PRPF6: variants seen among roughly 807,000 people sequenced by gnomAD.
PRPF6 encodes pre-mRNA processing factor 6.
In PRPF6, 42 loss-of-function variants were observed where a neutral mutation model predicts 118.3. That is an observed-to-expected ratio of 0.35 (90% CI 0.28 to 0.46). The LOEUF (loss-of-function observed/expected upper bound fraction) is 0.46, where lower values mean the gene tolerates loss of function less well. PRPF6 is among the 20% of genes least tolerant of loss of function. The pLI, the probability that PRPF6 is intolerant of heterozygous loss-of-function variation, is 1.00. For synonymous variants in PRPF6, 481 were observed against 485.1 expected (o/e 0.99, Z 0.11); for missense variants, 662 against 1,255.7 (o/e 0.53, Z 7.15).
chr20:64,005,023 G>A (rs1421500893), intron 9 of PRPF6, among the ~76,000 whole-genome samples: 1 of 152,132 alleles, frequency 6.6e-6, no homozygotes, highest in South Asian at 2.1e-4. Context: ...CCTCTGCACG[G>A]TCACGTCTTC....
chr20:64,015,245 C>G (rs2123061802), intron 11 of PRPF6, among the ~76,000 whole-genome samples: 1 of 152,322 alleles, frequency 6.6e-6, no homozygotes, highest in East Asian at 1.9e-4. Context: ...GGAGGAAGAG[C>G]CAGCGCAGTT....
In PRPF6 at chr20:64,029,284, T is replaced by G. The variant is rs2059304551; in HGVS notation, c.2432-93T>G. The G allele has an allele frequency of 8.8e-7, 1 of 1,141,382 alleles. No individual in the cohort carries two copies. The highest frequency in any genetic ancestry group is 1.3e-6 in the Non-Finnish European group (1 of 756,792). 70.7% of individuals were successfully genotyped at this position (1,141,382 alleles called of 1,614,324 possible). A position where few individuals can be genotyped will look rare whatever the true frequency, so the allele number is the denominator to read the frequency against. On this transcript the variant is annotated intron_variant, in intron 18 of 20. Coordinates refer to ENST00000266079, the MANE Select transcript of PRPF6 (RefSeq NM_012469.4). This position sits in a 1 kb window ranked among gnomAD's most constrained non-coding sequence, Gnocchi z 4.8. The stretch of plus-strand genomic sequence containing the variant: ...TGTGTGGGAGGCCCCTGTCGTGGTC[T>G]GAGGACGTCCCGGGTTAGAATCTGT...
At chr20:63,998,657 C>T (rs562851566) in intron 6 of PRPF6, among the ~76,000 whole-genome samples, 18 of 151,282 alleles carry the variant, frequency 1.2e-4, no homozygotes, top group Middle Eastern at 3.4e-3. Flanking sequence ...CTGGCTAACA[C>T]GGTGAAACCC....
At chr20:63,993,323 T>C in intron 3 of PRPF6, 84 bp from the exon 4 acceptor site, 1 of 905,246 alleles carries the variant, frequency 1.1e-6, no homozygotes, top group Non-Finnish European at 1.8e-6. Context: ...ATTGTTCTTT[T>C]TGGTGATTTA....
At chr20:63,990,844 G>A (rs1392847409) in intron 3 of PRPF6, among the ~76,000 whole-genome samples, 3 of 151,758 alleles carry the variant, frequency 2.0e-5, no homozygotes, top group Non-Finnish European at 4.4e-5. Flanking sequence ...TAGTAGAGAC[G>A]GGGTTTCACC....
At chr20:64,030,143 C>T (rs1601534960) in intron 19 of PRPF6, among the ~76,000 whole-genome samples, 1 of 152,234 alleles carries the variant, frequency 6.6e-6, no homozygotes, top group Non-Finnish European at 1.5e-5. Flanking sequence ...AGGGCCATCC[C>T]CGACCCCCAG....
intron 1 of PRPF6, 125 bp downstream of exon 1, chr20:63,981,441 T>C: frequency 1.0e-6 from 1 of 955,414 alleles, no homozygotes; most frequent in Non-Finnish European, 1.5e-6. Flanking sequence ...ATCGGCTTAA[T>C]CCCTGCAGGA....
In PRPF6 at chr20:64,011,096, C is replaced by G. The variant is rs925389041; in HGVS notation, c.1306-189C>G. Among the ~76,000 whole-genome samples, 1 of 152,186 alleles carries G rather than the reference C, an allele frequency of 6.6e-6. No homozygotes were observed. The highest frequency in any genetic ancestry group is 2.4e-5 in the African/African-American group (1 of 41,438). The stretch of plus-strand genomic sequence containing the variant: ...TGCTCACGAGAGTCACTAAATGAGT[C>G]AGAAGCATAAAGGAACAGTTGGTCA... On this transcript the variant is annotated intron_variant, in intron 10 of 20. Transcript: ENST00000266079. This position sits in a 1 kb window ranked among gnomAD's most constrained non-coding sequence, Gnocchi z 6.7.
chr20:63,987,193 G>T (rs1444196779), intron 3 of PRPF6, among the ~76,000 whole-genome samples: 86 of 149,594 alleles, frequency 5.7e-4, no homozygotes, highest in African/African-American at 1.8e-3. Flanking sequence ...AAAAAAAGGG[G>T]GGGGGAGCAT....
chr20:63,983,407 CT>C (rs1349580594), intron 2 of PRPF6, among the ~76,000 whole-genome samples, 192 bp downstream of exon 2: 2 of 151,858 alleles, frequency 1.3e-5, no homozygotes, highest in Non-Finnish European at 2.9e-5. Context: ...CTTTTTGTCC[CT>C]CAGAAGAGAT....
At chr20:64,000,493 G>C (rs1035781810) in intron 8 of PRPF6, among the ~76,000 whole-genome samples, 1 of 148,658 alleles carries the variant, frequency 6.7e-6, no homozygotes, top group Non-Finnish European at 1.5e-5. Flanking sequence ...AGAACGACCC[G>C]AGCAGATGTG....
chr20:64,015,081 TTTA>T lies in PRPF6; in HGVS notation c.1525-1636_1525-1634del, dbSNP rs1044593392. 3.2e-4 allele frequency among the ~76,000 whole-genome samples: 49 copies of T among 152,192 alleles called. 1 individual carries two copies. Among genetic ancestry groups the T allele is most frequent in the Middle Eastern group, 3.2e-3 (1 of 316 alleles). On this transcript the variant is annotated intron_variant, in intron 11 of 20. Transcript: ENST00000266079. ...TCTATGTATTATTTTTGTCTGTTGT[TTTA>T]TTATTGAGTTGTAAGAGATGTTTTT...
intron 6 of PRPF6, among the ~76,000 whole-genome samples, chr20:63,998,185 C>T (rs534509263): frequency 9.1e-4 from 138 of 152,026 alleles, no homozygotes; most frequent in African/African-American, 3.3e-3. Flanking sequence ...GCCTCTGCTT[C>T]CCAGGTTCAT....
chr20:63,990,134 A>T (rs1201469781), intron 3 of PRPF6, among the ~76,000 whole-genome samples: 1 of 152,142 alleles, frequency 6.6e-6, no homozygotes, highest in African/African-American at 2.4e-5. Flanking sequence ...AATTACAGGT[A>T]TGAGCCACCG....
intron 3 of PRPF6, among the ~76,000 whole-genome samples, chr20:63,991,079 C>T (rs2059116372): frequency 6.6e-6 from 1 of 152,136 alleles, no homozygotes; most frequent in African/African-American, 2.4e-5. Flanking sequence ...AGTTACTACA[C>T]TCAGCCCTAC....
Position 64,027,539 on chromosome 20 carries a change from G to T in PRPF6, c.2206-64G>T. 1.9e-6 allele frequency: 3 copies of T among 1,610,396 alleles called. No individual in the cohort carries two copies. In the South Asian group the frequency reaches 3.3e-5, roughly 18 times the overall value. On this transcript the variant is annotated intron_variant, in intron 16 of 20. Transcript: ENST00000266079. This position sits in a 1 kb window ranked among gnomAD's most constrained non-coding sequence, Gnocchi z 6.5. ...TCACCCACTGCAGATGAGAAGCTGGGCATGGCTGTGTCCCAGTTCTTCATA... is the reference window on the plus strand; with the variant it reads ...TCACCCACTGCAGATGAGAAGCTGGTCATGGCTGTGTCCCAGTTCTTCATA...
chr20:63,995,320 C>G lies in PRPF6; in HGVS notation c.616-7C>G. 6.2e-7 allele frequency: 1 copy of G among 1,608,580 alleles called. No homozygotes were observed. The highest frequency in any genetic ancestry group is 8.5e-7 in the Non-Finnish European group (1 of 1,177,344). ...TTTATTCTTGCCTTTCCTCTCTTCC[C>G]CTCCAGCAATTTGGAGGTCTTAACA... On this transcript the variant is annotated splice_region_variant and splice_polypyrimidine_tract_variant and intron_variant, in intron 5 of 20. Transcript: ENST00000266079.
chr20:64,011,004 G>A lies in PRPF6; in HGVS notation c.1306-281G>A, dbSNP rs2059214330. On this transcript the variant is annotated intron_variant, in intron 10 of 20. Coordinates refer to ENST00000266079, the MANE Select transcript of PRPF6 (RefSeq NM_012469.4). The surrounding 1 kb of genome is among the most constrained non-coding windows in gnomAD (Gnocchi z 6.7). The stretch of plus-strand genomic sequence containing the variant: ...TCCTGCTCGTCTGTGCCAGCCCCTG[G>A]TATCAGGTCTGGCGTGCTGTGTGCC... 6.6e-6 allele frequency among the ~76,000 whole-genome samples: 1 copy of A among 152,202 alleles called. No individual in the cohort carries two copies. Among genetic ancestry groups the A allele is most frequent in the Non-Finnish European group, 1.5e-5 (1 of 68,046 alleles).
chr20:63,986,649 T>G (rs957682077), intron 3 of PRPF6, among the ~76,000 whole-genome samples: 1 of 151,378 alleles, frequency 6.6e-6, no homozygotes, highest in Non-Finnish European at 1.5e-5. Flanking sequence ...CCACCACGCC[T>G]GGCTAATTTT....
Sources: gnomAD v4.1 joint callset for allele counts (sites outside exome capture counted in the v4.1 genomes callset) on GRCh38, gnomAD v4.1.1 for gene constraint, Gnocchi (gnomAD v3.1) non-coding constraint, MANE v1.5 for transcripts, NCBI Gene and HGNC (gene_info 2026-07-23, HGNC 2026-07-21) for gene names.